The following EPHA6 variants were observed in gnomAD, a reference collection of about 807,000 sequenced individuals.
EPHA6 encodes EPH receptor A6.
Under a neutral mutation model 112.0 loss-of-function variants are expected in EPHA6, and 50 were observed. That is an observed-to-expected ratio of 0.45 (90% CI 0.36 to 0.56). The LOEUF (loss-of-function observed/expected upper bound fraction) is 0.56, where lower values mean the gene tolerates loss of function less well. Among genes scored for constraint, EPHA6 ranks in the 20% least tolerant of loss-of-function variants. The pLI is 0.00. For synonymous variants in EPHA6, 529 were observed against 490.7 expected, an observed-to-expected ratio of 1.08 and a Z score of -1.03; for missense variants, 1,280 against 1,417.4, an observed-to-expected ratio of 0.90 and a Z score of 1.56.
intron 3 of EPHA6, among the ~76,000 whole-genome samples, chr3:97,166,667 A>T (rs2076551126): frequency 6.6e-6 from 1 of 152,200 alleles, no homozygotes; most frequent in Non-Finnish European, 1.5e-5. Flanking sequence ...AAGGCCCCAC[A>T]TTCCTCAGGA....
chr3:97,720,195 T>C (rs746334606), intron 14 of EPHA6, 66 bp from the exon 15 acceptor site: 16 of 1,337,732 alleles, frequency 1.2e-5, no homozygotes, highest in Non-Finnish European at 9.9e-6. Context: ...AAATATTTAA[T>C]TGGAATACCA....
At chr3:97,130,257 A>G (rs2048303343) in intron 3 of EPHA6, among the ~76,000 whole-genome samples, 1 of 150,140 alleles carries the variant, frequency 6.7e-6, no homozygotes, top group African/African-American at 2.4e-5. Context: ...TTCTCTTACC[A>G]TCTCGGGGTT....
intron 16 of EPHA6, among the ~76,000 whole-genome samples, chr3:97,744,942 T>G (rs2035649564): frequency 6.6e-6 from 1 of 151,964 alleles, no homozygotes; most frequent in South Asian, 2.1e-4. Context: ...GAGTCACGTT[T>G]TGAAATAGGA....
intron 14 of EPHA6, among the ~76,000 whole-genome samples, chr3:97,662,471 C>T (rs2094176302): frequency 6.6e-6 from 1 of 152,110 alleles, no homozygotes; most frequent in South Asian, 2.1e-4. Flanking sequence ...CTCTCACCTG[C>T]AGCGTTCAGA....
At chr3:96,870,039 A>T (rs554325360) in intron 2 of EPHA6, among the ~76,000 whole-genome samples, 1 of 152,204 alleles carries the variant, frequency 6.6e-6, no homozygotes, top group African/African-American at 2.4e-5. Flanking sequence ...GTGAATTGGT[A>T]TTAGGAAACT....
At position 96,814,764 on chromosome 3, in the gene EPHA6, G is replaced by A; in HGVS notation, c.141G>A (p.Gly47=). Reference sequence around the variant, plus strand: ...GGACCTCGCGCAGGGGGCGCCCCGGGACACCCCCTGCGGGCCGGGTGGAGG... The same window carrying A: ...GGACCTCGCGCAGGGGGCGCCCCGGAACACCCCCTGCGGGCCGGGTGGAGG... ...VPGTSRRGRP[G]TPPAGRVEEE... Residue 47 remains glycine, a synonymous_variant, in exon 1 of 18, where the codon GGG becomes GGA. Transcript: ENST00000389672. 1 of 1,601,910 alleles carries A rather than the reference G, an allele frequency of 6.2e-7. No individual in the cohort carries two copies. Among genetic ancestry groups the A allele is most frequent in the Non-Finnish European group, 8.5e-7 (1 of 1,173,114 alleles).
chr3:97,176,267 A>G (rs1440669043), intron 3 of EPHA6, among the ~76,000 whole-genome samples: 9 of 151,896 alleles, frequency 5.9e-5, no homozygotes, highest in South Asian at 2.1e-4. Flanking sequence ...ATGATGAATG[A>G]TCTTTCTAAT....
chr3:97,407,998 C>G (rs1162609179), intron 6 of EPHA6, among the ~76,000 whole-genome samples: 1 of 152,050 alleles, frequency 6.6e-6, no homozygotes, highest in Non-Finnish European at 1.5e-5. Flanking sequence ...CTGGGAAGAT[C>G]AAGGTGCCAA....
chr3:97,046,522 T>C (rs1348774311), intron 3 of EPHA6, among the ~76,000 whole-genome samples: 1 of 152,190 alleles, frequency 6.6e-6, no homozygotes, highest in East Asian at 1.9e-4. Flanking sequence ...TGTTCAACGA[T>C]TTGTTTGATG....
chr3:97,429,222 G>C (rs1268807747), intron 6 of EPHA6, among the ~76,000 whole-genome samples: 1 of 152,104 alleles, frequency 6.6e-6, no homozygotes. Flanking sequence ...GGAAATTATA[G>C]AAACATAAAT....
Position 97,372,259 on chromosome 3 carries a change from T to G in EPHA6, c.1607-32891T>G, listed in dbSNP as rs531641544. On this transcript the variant is annotated intron_variant, in intron 5 of 17. Transcript: ENST00000389672. ...ATTTTTCTCTTTTGTACCTTTTCCC[T>G]TTATTTCTTAGACTGGCTGACACTT... 5.3e-5 allele frequency among the ~76,000 whole-genome samples: 8 copies of G among 152,280 alleles called. No homozygotes were observed. The South Asian group carries it at 1.7e-3, about 32-fold the overall frequency.
At chr3:97,123,483 G>A (rs771811982) in intron 3 of EPHA6, among the ~76,000 whole-genome samples, 35 of 152,142 alleles carry the variant, frequency 2.3e-4, no homozygotes, top group South Asian at 4.1e-4. Flanking sequence ...AGCTACTCCC[G>A]TAGAAATTTG....
At chr3:97,437,273 A>T (rs2089900173) in intron 6 of EPHA6, among the ~76,000 whole-genome samples, 2 of 152,042 alleles carry the variant, frequency 1.3e-5, no homozygotes, top group South Asian at 4.1e-4. Flanking sequence ...AGCATATATT[A>T]TTTCCCCCAC....
At chr3:96,976,249 C>T (rs2042516885) in intron 2 of EPHA6, among the ~76,000 whole-genome samples, 1 of 152,032 alleles carries the variant, frequency 6.6e-6, no homozygotes, top group Non-Finnish European at 1.5e-5. Context: ...CACTTTCCTC[C>T]CTCTGGCTTA....
At position 97,664,257 on chromosome 3, in the gene EPHA6, G is replaced by T. The variant is rs1209894678; in HGVS notation, c.2784+26175G>T. Among the ~76,000 whole-genome samples the T allele has an allele frequency of 2.6e-5, 4 of 152,014 alleles. No homozygotes were observed. In the South Asian group the frequency reaches 6.2e-4, roughly 24 times the overall value. On this transcript the variant is annotated intron_variant, in intron 14 of 17. Transcript: ENST00000389672. The stretch of plus-strand genomic sequence containing the variant: ...TTAGCCCTTTGTCAGATGAGTAGAT[G>T]GCAAAAATTTTCTCCCATTCTGTAG...
chr3:97,533,328 T>C (rs2092716616), intron 11 of EPHA6, among the ~76,000 whole-genome samples: 2 of 152,076 alleles, frequency 1.3e-5, no homozygotes, highest in Non-Finnish European at 2.9e-5. Flanking sequence ...TTAAAATCTT[T>C]TAAATAAAAT....
rs2035828819 is a variant in EPHA6 at position 97,749,087 on chromosome 3, C to T, written c.*386C>T. 1 of 240,354 alleles carries T rather than the reference C, an allele frequency of 4.2e-6. No individual in the cohort carries two copies. The highest frequency in any genetic ancestry group is 2.2e-5 in the African/African-American group (1 of 45,576). The allele number at this position is 240,354 out of a possible 1,614,324, so 14.9% of individuals were successfully genotyped here. On this transcript the variant is annotated 3_prime_UTR_variant, in exon 18 of 18. Coordinates refer to ENST00000389672, the MANE Select transcript of EPHA6 (RefSeq NM_001080448.3). ...TGGTAGATGAGAAAGAACTAGTTGA[C>T]CTTTCTTTCATGTTTTGTGATCAAG... is the stretch of plus-strand genomic sequence containing the variant.
intron 10 of EPHA6, among the ~76,000 whole-genome samples, chr3:97,520,119 C>A (rs2092516176): frequency 6.6e-6 from 1 of 151,944 alleles, no homozygotes; most frequent in Non-Finnish European, 1.5e-5. Context: ...AGGCACCCGC[C>A]ACCACGCCCA....
chr3:97,295,112 T>C (rs1209177136), intron 5 of EPHA6, among the ~76,000 whole-genome samples: 1 of 152,194 alleles, frequency 6.6e-6, no homozygotes, highest in African/African-American at 2.4e-5. Context: ...TCTGGATGAT[T>C]AAATATTTTG....
Sources: allele counts gnomAD v4.1 joint callset (sites outside exome capture counted in the v4.1 genomes callset), GRCh38; gene constraint gnomAD v4.1.1; transcripts MANE v1.5; gene names NCBI Gene and HGNC (gene_info 2026-07-23, HGNC 2026-07-21).